The following SUZ12 variants were observed in gnomAD, a reference collection of about 807,000 sequenced individuals.
SUZ12 encodes the protein polycomb protein SUZ12.
In SUZ12, 17 loss-of-function variants were observed where a neutral mutation model predicts 87.3. The observed-to-expected ratio is 0.19, with a 90% CI of 0.13 to 0.29. The LOEUF is 0.29. SUZ12 is among the 10% of genes least tolerant of loss of function. The probability of loss-of-function intolerance (pLI) is 1.00; values close to 1 mark genes in which losing one functional copy is unlikely to be tolerated. For synonymous variants in SUZ12, 253 were observed against 312.4 expected, an observed-to-expected ratio of 0.81 and a Z score of 2.01; for missense variants, 526 against 912.2, an observed-to-expected ratio of 0.58 and a Z score of 5.45.
chr17:31,966,731 T>C (rs1043197836), intron 5 of SUZ12: 2 of 152,310 alleles, frequency 1.3e-5, no homozygotes, highest in Admixed American at 6.5e-5. Flanking sequence ...TTAATGATAC[T>C]GTATCATGTT....
chr17:31,981,175 A>G (rs1346801747), intron 8 of SUZ12, among the ~76,000 whole-genome samples: 2 of 152,336 alleles, frequency 1.3e-5, no homozygotes, highest in East Asian at 3.9e-4. Flanking sequence ...GTCAAAAATG[A>G]CAAGATGGGG....
Position 31,998,643 on chromosome 17 carries a change from G to A in SUZ12, c.1875-15G>A. 1.3e-6 allele frequency: 2 copies of A among 1,514,878 alleles called. No homozygotes were observed. Among genetic ancestry groups the A allele is most frequent in the South Asian group, 1.4e-5 (1 of 73,962 alleles). The allele number at this position is 1,514,878 out of a possible 1,614,324, so 93.8% of individuals were successfully genotyped here. Reference sequence around the variant, plus strand: ...TGCTTTGTATTGCTATTCATATTCTGTTTTTATTAAATAGGTTTATTGCTG... The same window carrying A: ...TGCTTTGTATTGCTATTCATATTCTATTTTTATTAAATAGGTTTATTGCTG... On this transcript the variant is annotated splice_polypyrimidine_tract_variant and intron_variant, in intron 15 of 15. Transcript: ENST00000322652.
chr17:31,963,087 T>A (rs1173616952), intron 4 of SUZ12, among the ~76,000 whole-genome samples: 1 of 152,276 alleles, frequency 6.6e-6, no homozygotes, highest in African/African-American at 2.4e-5. Flanking sequence ...TAAAAATGTT[T>A]ATAATATATG....
chr17:31,982,669 T>C (rs1315617042), intron 8 of SUZ12, among the ~76,000 whole-genome samples: 1 of 151,982 alleles, frequency 6.6e-6, no homozygotes, highest in East Asian at 1.9e-4. Context: ...CTCAAATAAA[T>C]AAATAAATAA....
At chr17:31,983,558 G>T (rs1909240361) in intron 9 of SUZ12, among the ~76,000 whole-genome samples, 1 of 152,116 alleles carries the variant, frequency 6.6e-6, no homozygotes, top group South Asian at 2.1e-4. Flanking sequence ...GGGATTACAG[G>T]CATGAGCCAC....
Position 31,960,509 on chromosome 17 carries a change from A to G in SUZ12, c.456-5638A>G, listed in dbSNP as rs1907638330. ...CAGGCGTGAGCCACTGCGCCCAGCC[A>G]GAGTGTTTACTTTTAGGTGAGGAAG... On this transcript the variant is annotated intron_variant, in intron 4 of 15. Transcript: ENST00000322652. 4.0e-5 allele frequency among the ~76,000 whole-genome samples: 6 copies of G among 151,572 alleles called. 1 individual carries two copies. In the South Asian group the frequency reaches 1.3e-3, roughly 32 times the overall value.
At chr17:31,994,447 G>A in intron 12 of SUZ12, 117 bp from the exon 13 acceptor site, 1 of 917,314 alleles carries the variant, frequency 1.1e-6, no homozygotes, top group Non-Finnish European at 1.5e-6. Flanking sequence ...CCATGCTGGT[G>A]TGCCTGGCCT....
At chr17:31,985,999 G>A (rs974578575) in intron 9 of SUZ12, among the ~76,000 whole-genome samples, 3 of 150,382 alleles carry the variant, frequency 2.0e-5, no homozygotes, top group East Asian at 2.0e-4. Context: ...ATGGAGTCTC[G>A]CTCTGTCACC....
intron 1 of SUZ12, 122 bp from the exon 2 acceptor site, chr17:31,940,164 A>G: frequency 2.2e-6 from 3 of 1,374,636 alleles, no homozygotes; most frequent in East Asian, 2.3e-5. Flanking sequence ...TTAGTGCGAT[A>G]TAAATAGTGC....
chr17:31,996,339 G>A (rs1909977931), intron 14 of SUZ12, among the ~76,000 whole-genome samples: 1 of 152,112 alleles, frequency 6.6e-6, no homozygotes, highest in South Asian at 2.1e-4. Context: ...ATGACGGCAG[G>A]TGTGCTGGCT....
Position 31,965,882 on chromosome 17 carries a change from G to T in SUZ12, c.456-265G>T, listed in dbSNP as rs557254524. Reference sequence around the variant, plus strand: ...TGGTAGTCTGATTTTTTTCTGCCTTGGTCTGGTGTTTTTGTGGTTTTGTTC... The same window carrying T: ...TGGTAGTCTGATTTTTTTCTGCCTTTGTCTGGTGTTTTTGTGGTTTTGTTC... On this transcript the variant is annotated intron_variant, in intron 4 of 15. Transcript: ENST00000322652. The T allele has an allele frequency of 1.1e-3, 316 of 299,868 alleles. 3 individuals carry two copies. The highest frequency in any genetic ancestry group is 6.1e-3 in the African/African-American group (281 of 46,054). 18.6% of individuals were successfully genotyped at this position (299,868 alleles called of 1,614,324 possible).
At chr17:31,985,446 A>ATT (rs1200728572) in intron 9 of SUZ12, among the ~76,000 whole-genome samples, 6 of 150,964 alleles carry the variant, frequency 4.0e-5, no homozygotes. Flanking sequence ...ATATATATAT[A>ATT]TTTTCCCTGT....
intron 3 of SUZ12, among the ~76,000 whole-genome samples, chr17:31,943,857 C>T (rs1906455080): frequency 6.6e-6 from 1 of 151,892 alleles, no homozygotes; most frequent in African/African-American, 2.4e-5. Flanking sequence ...GGCACTACAC[C>T]CAGCTAATTT....
chr17:31,991,539 T>C (rs1909720395), intron 10 of SUZ12, among the ~76,000 whole-genome samples: 1 of 138,382 alleles, frequency 7.2e-6, no homozygotes, highest in Non-Finnish European at 1.5e-5. Flanking sequence ...GAAATATAAA[T>C]ACCTTTTTTT....
chr17:31,980,429 CTTTTTTTTTTTTTTTTTTTTTT>C (rs58491591), intron 8 of SUZ12, among the ~76,000 whole-genome samples: 6,133 of 53,894 alleles, frequency 0.11, 305 homozygotes, highest in Non-Finnish European at 0.15. Flanking sequence ...TCACCTTCTC[CTTTTTTTTTTTTTTTTTTTTTT>C]TTTTTTTTTT....
intron 3 of SUZ12, among the ~76,000 whole-genome samples, chr17:31,945,414 A>G (rs1220771014): frequency 1.3e-5 from 2 of 152,218 alleles, no homozygotes. Context: ...CTATAGGCTA[A>G]CACTGCCCCA....
At chr17:31,939,751 C>T (rs1445753563) in intron 1 of SUZ12, among the ~76,000 whole-genome samples, 1 of 152,100 alleles carries the variant, frequency 6.6e-6, no homozygotes, top group Non-Finnish European at 1.5e-5. Context: ...GTCTCGAACT[C>T]CCGACCTTAG....
At chr17:31,958,241 G>T (rs562302614) in intron 4 of SUZ12, among the ~76,000 whole-genome samples, 30 of 152,016 alleles carry the variant, frequency 2.0e-4, no homozygotes, top group Middle Eastern at 3.4e-3. Context: ...TCACCGTTTT[G>T]CCCAGTGTGA....
chr17:31,975,053 T>C (rs1156581243), intron 6 of SUZ12, among the ~76,000 whole-genome samples: 3 of 152,218 alleles, frequency 2.0e-5, no homozygotes, highest in Non-Finnish European at 4.4e-5. Context: ...TTATTTCTAA[T>C]GGTCCTATTA....
Sources: gnomAD v4.1 joint callset for allele counts (sites outside exome capture counted in the v4.1 genomes callset) on GRCh38, gnomAD v4.1.1 for gene constraint, MANE v1.5 for transcripts, NCBI Gene and HGNC (gene_info 2026-07-23, HGNC 2026-07-21) for gene names.